Variants in ANOS1 observed in about 807,000 individuals in gnomAD.
ANOS1 encodes anosmin-1.
Under a neutral mutation model 59.0 loss-of-function variants are expected in ANOS1, and 6 were observed. That is an observed-to-expected ratio of 0.10 (90% confidence interval 0.06 to 0.20). The LOEUF (loss-of-function observed/expected upper bound fraction) is 0.20. Among genes scored for constraint, ANOS1 ranks in the 10% least tolerant of loss-of-function variants. The pLI is 1.00. For synonymous variants in ANOS1, 217 were observed against 223.4 expected (o/e 0.97, Z 0.25); for missense variants, 433 against 542.3 (o/e 0.80, Z 2.00).
chrX:8,731,786 C>A (rs1471541095), intron 1 of ANOS1, 44 bp downstream of exon 1: 17 of 1,159,057 alleles, frequency 1.5e-5, no homozygotes, highest in Non-Finnish European at 2.0e-5. Flanking sequence ...GCCCACGCCG[C>A]GGCCGCAGCC....
intron 2 of ANOS1, among the ~76,000 whole-genome samples, chrX:8,688,344 C>T (rs921456927): frequency 3.6e-5 from 4 of 112,174 alleles, no homozygotes; most frequent in African/African-American, 1.3e-4. Flanking sequence ...TTCAAACAAG[C>T]GGTGCTCATC....
At chrX:8,616,955 T>C (rs1368916836) in intron 3 of ANOS1, among the ~76,000 whole-genome samples, 2 of 112,590 alleles carry the variant, frequency 1.8e-5, no homozygotes, top group Non-Finnish European at 3.7e-5. Flanking sequence ...TATTTCCAAG[T>C]GGAAAATCTT....
At chrX:8,570,206 C>G (rs977313368) in intron 7 of ANOS1, among the ~76,000 whole-genome samples, 19 of 109,679 alleles carry the variant, frequency 1.7e-4, no homozygotes, top group African/African-American at 6.0e-4. Context: ...TATGGCCAGA[C>G]AGGTAAGATG....
chrX:8,648,458 CAA>C (rs765958124), intron 2 of ANOS1, among the ~76,000 whole-genome samples: 11 of 48,616 alleles, frequency 2.3e-4, no homozygotes, highest in Admixed American at 2.5e-4. Context: ...AAAATTCCGT[CAA>C]AAAAAAAAAA....
chrX:8,707,862 C>T (rs768136022), intron 1 of ANOS1, among the ~76,000 whole-genome samples: 9 of 112,303 alleles, frequency 8.0e-5, no homozygotes, highest in Admixed American at 4.7e-4. Context: ...TTGTGTTCTT[C>T]AAGTATATTC....
In ANOS1 at chrX:8,731,952, C is replaced by T. The variant is rs1372760756; in HGVS notation, c.85G>A (p.Ala29Thr). Residue 29 changes from alanine (A) to threonine (T), a missense_variant, in exon 1 of 14, where the codon GCG (alanine) becomes ACG (threonine). Transcript: ENST00000262648. ...TCGTCCAGCCGCCGCGCAGCAGCCG[C>T]GCCGGGGCCGGCCGCCAGGCAGCCG... ...SSGCLAAGPG[A>T]AAARRLDESL... 8 of 1,117,121 alleles carry T rather than the reference C, an allele frequency of 7.2e-6. No individual in the cohort carries two copies. In the East Asian group the frequency reaches 2.7e-4, roughly 37 times the overall value. The allele number at this position is 1,117,121 out of a possible 1,213,427, so 92.1% of individuals were successfully genotyped here.
chrX:8,647,681 T>G (rs1931783792), intron 2 of ANOS1, among the ~76,000 whole-genome samples: 1 of 112,099 alleles, frequency 8.9e-6, no homozygotes, highest in South Asian at 3.7e-4. Flanking sequence ...GAGTTGAGTG[T>G]ATTGCCAGCT....
chrX:8,532,633 T>C lies in ANOS1; in HGVS notation c.*362A>G, dbSNP rs898049999. 7 of 156,211 alleles carry C rather than the reference T, an allele frequency of 4.5e-5. No homozygotes were observed. Among genetic ancestry groups the C allele is most frequent in the African/African-American group, 1.8e-4 (6 of 33,214 alleles). The allele number at this position is 156,211 out of a possible 1,213,427, so 12.9% of individuals were successfully genotyped here. A position where few individuals can be genotyped will look rare whatever the true frequency, so the allele number is the denominator to read the frequency against. The stretch of plus-strand genomic sequence containing the variant: ...CGCTTAGTGTTATGTGTGAATTGTG[T>C]ATTTGTTACTCTCCTTTTTGGGGCG... On this transcript the variant is annotated 3_prime_UTR_variant, in exon 14 of 14. Coordinates refer to ENST00000262648, the MANE Select transcript of ANOS1 (RefSeq NM_000216.4).
At chrX:8,604,986 A>T (rs1930912878) in intron 3 of ANOS1, among the ~76,000 whole-genome samples, 1 of 112,854 alleles carries the variant, frequency 8.9e-6, no homozygotes, top group Non-Finnish European at 1.9e-5. Flanking sequence ...TTTTATAAAC[A>T]ATTCTGTAAT....
At chrX:8,587,669 C>A in intron 5 of ANOS1, 125 bp downstream of exon 5, 1 of 532,029 alleles carries the variant, frequency 1.9e-6, no homozygotes, top group Admixed American at 2.9e-5. Context: ...ATGTTCATTT[C>A]ATATCTGAGT....
chrX:8,557,924 C>T (rs1400652882), intron 8 of ANOS1, among the ~76,000 whole-genome samples: 1 of 111,870 alleles, frequency 8.9e-6, no homozygotes, highest in Non-Finnish European at 1.9e-5. Flanking sequence ...GGTGCCAACC[C>T]AAATTCCCAT....
At chrX:8,722,755 T>C (rs1055149533) in intron 1 of ANOS1, among the ~76,000 whole-genome samples, 5 of 112,616 alleles carry the variant, frequency 4.4e-5, no homozygotes, top group Non-Finnish European at 7.5e-5. Context: ...CTGGATCAAA[T>C]GGTAGTTCTA....
intron 2 of ANOS1, among the ~76,000 whole-genome samples, chrX:8,689,334 G>A (rs1932569441): frequency 9.1e-6 from 1 of 110,004 alleles, no homozygotes; most frequent in African/African-American, 3.3e-5. Context: ...AGCAACAATG[G>A]ATGAATTACT....
intron 9 of ANOS1, among the ~76,000 whole-genome samples, chrX:8,549,075 C>T (rs1171144021): frequency 1.8e-5 from 2 of 112,040 alleles, no homozygotes; most frequent in South Asian, 3.7e-4. Context: ...ATCAAGGTCA[C>T]TCCTTGCCTT....
At chrX:8,582,733 C>T (rs1195545047) in intron 6 of ANOS1, among the ~76,000 whole-genome samples, 1 of 111,082 alleles carries the variant, frequency 9.0e-6, no homozygotes, top group Non-Finnish European at 1.9e-5. Context: ...AGTGGGGATC[C>T]GAAAGCAGGA....
chrX:8,568,275 T>G lies in ANOS1; in HGVS notation c.1164A>C (p.Ala388=), dbSNP rs774559068. The G allele has an allele frequency of 5.0e-6, 6 of 1,208,496 alleles. No individual in the cohort carries two copies. Among genetic ancestry groups the G allele is most frequent in the Non-Finnish European group, 6.7e-6 (6 of 894,037 alleles). ...TYWGQTRLKS[A]KVSLHFTSTH... ...TCGATGTGAAGTGAAGGGACACCTT[T>G]GCACTCTTCAGCCGTGTCTGTCCCC... is the stretch of plus-strand genomic sequence containing the variant. The change falls in exon 8 of 14, where the codon GCA becomes GCC. Residue 388 remains alanine, a synonymous_variant. Coordinates refer to ENST00000262648, the MANE Select transcript of ANOS1 (RefSeq NM_000216.4).
chrX:8,552,696 AT>A (rs1472787535), intron 9 of ANOS1, among the ~76,000 whole-genome samples: 2 of 111,374 alleles, frequency 1.8e-5, no homozygotes, highest in Non-Finnish European at 3.8e-5. Context: ...AGATGTTTAC[AT>A]TTTCATTTTA....
At position 8,539,594 on chromosome X, in the gene ANOS1, T is replaced by C. The variant is rs187532215; in HGVS notation, c.1449+70A>G. On this transcript the variant is annotated intron_variant, in intron 10 of 13. Transcript: ENST00000262648. ...GTGGGAATGAGTTATCTGTTTGACC[T>C]GTCTAGTTTGTACATCCTCCTGTCT... 1.1e-4 allele frequency: 130 copies of C among 1,202,696 alleles called. No homozygotes were observed. The African/African-American group carries it at 1.9e-3, about 17-fold the overall frequency.
chrX:8,614,620 C>T (rs1231057952), intron 3 of ANOS1, among the ~76,000 whole-genome samples: 1 of 111,126 alleles, frequency 9.0e-6, no homozygotes, highest in Non-Finnish European at 1.9e-5. Context: ...TGTGTGTTAT[C>T]TTCAGATACT....
Sources: allele counts gnomAD v4.1 joint callset (sites outside exome capture counted in the v4.1 genomes callset), GRCh38; gene constraint gnomAD v4.1.1; transcripts MANE v1.5; gene names NCBI Gene and HGNC (gene_info 2026-07-23, HGNC 2026-07-21).